RGS20: variants seen among roughly 807,000 people sequenced by gnomAD.
RGS20 encodes regulator of G protein signaling 20.
Under a neutral mutation model 33.6 loss-of-function variants are expected in RGS20, and 30 were observed. The ratio of observed to expected loss-of-function variants is 0.89; its 90% CI spans 0.67 to 1.21. The LOEUF (loss-of-function observed/expected upper bound fraction) is 1.21. Ranked by LOEUF, RGS20 falls within the 50% of genes most tolerant of loss-of-function variation. RGS20 has a pLI of 0.00. For synonymous variants in RGS20, 208 were observed against 197.9 expected, an observed-to-expected ratio of 1.05 and a Z score of -0.43; for missense variants, 472 against 502.4, an observed-to-expected ratio of 0.94 and a Z score of 0.58.
chr8:53,870,510 TA>T (rs765288108), intron 1 of RGS20, among the ~76,000 whole-genome samples: 6 of 152,224 alleles, frequency 3.9e-5, no homozygotes, highest in Non-Finnish European at 7.3e-5. Context: ...GGAACAGTAT[TA>T]GGAACATTAT....
At chr8:53,896,108 C>T (rs1327910578) in intron 2 of RGS20, among the ~76,000 whole-genome samples, 1 of 152,060 alleles carries the variant, frequency 6.6e-6, no homozygotes, top group Non-Finnish European at 1.5e-5. Context: ...AAGCAAGACC[C>T]TGCCTCTGCA....
intron 2 of RGS20, among the ~76,000 whole-genome samples, chr8:53,894,339 T>G (rs1812795227): frequency 6.6e-6 from 1 of 152,182 alleles, no homozygotes. Flanking sequence ...AGATCTAAAA[T>G]TCAGTAGATA....
At chr8:53,889,412 C>CTTTTTTTTTTTTTTTTTTTTTTTTTTTT (rs34316630) in intron 2 of RGS20, among the ~76,000 whole-genome samples, 1 of 41,862 alleles carries the variant, frequency 2.4e-5, no homozygotes, top group Non-Finnish European at 6.2e-5. Context: ...CTCTCTCTCT[C>CTTTTTTTTTTTTTTTTTTTTTTTTTTTT]TTTTTTTTTT....
intron 1 of RGS20, among the ~76,000 whole-genome samples, chr8:53,864,128 G>A (rs1811869201): frequency 6.6e-6 from 1 of 152,002 alleles, no homozygotes; most frequent in Admixed American, 6.6e-5. Flanking sequence ...ATAAAGACAT[G>A]GGCTTTTTTA....
chr8:53,903,505 C>T (rs1813087101), intron 2 of RGS20, among the ~76,000 whole-genome samples: 1 of 152,152 alleles, frequency 6.6e-6, no homozygotes, highest in Non-Finnish European at 1.5e-5. Context: ...TGACAGGAGA[C>T]GGCACCCAGG....
chr8:53,950,749 G>A (rs1814688487), intron 4 of RGS20, among the ~76,000 whole-genome samples: 1 of 151,876 alleles, frequency 6.6e-6, no homozygotes, highest in Non-Finnish European at 1.5e-5. Context: ...CGAGTACCTG[G>A]GACTACAGGC....
intron 2 of RGS20, among the ~76,000 whole-genome samples, chr8:53,936,372 C>T (rs947296148): frequency 2.4e-4 from 36 of 152,140 alleles, no homozygotes; most frequent in Non-Finnish European, 5.0e-4. Flanking sequence ...CCCAAAATCT[C>T]CTTAAGCTGA....
At chr8:53,944,469 C>T (rs1585948907) in intron 3 of RGS20, among the ~76,000 whole-genome samples, 1 of 149,768 alleles carries the variant, frequency 6.7e-6, no homozygotes, top group African/African-American at 2.5e-5. Flanking sequence ...ACCCGGGAGG[C>T]GGAGGTTGTA....
chr8:53,905,837 T>C (rs1813149925), intron 2 of RGS20, among the ~76,000 whole-genome samples: 1 of 152,236 alleles, frequency 6.6e-6, no homozygotes, highest in African/African-American at 2.4e-5. Flanking sequence ...GAACTCATCT[T>C]CCTTGAAGCC....
intron 5 of RGS20, among the ~76,000 whole-genome samples, chr8:53,954,921 C>T (rs942991625): frequency 2.6e-5 from 4 of 151,138 alleles, no homozygotes; most frequent in East Asian, 2.1e-4. Flanking sequence ...CTCTTGACCT[C>T]GTGATCCACC....
chr8:53,875,580 G>T (rs1812186688), intron 1 of RGS20, among the ~76,000 whole-genome samples: 1 of 152,092 alleles, frequency 6.6e-6, no homozygotes, highest in South Asian at 2.1e-4. Context: ...GCCTTTGAGT[G>T]TTTCCCTTCT....
intron 2 of RGS20, among the ~76,000 whole-genome samples, chr8:53,925,581 C>A (rs1017213594): frequency 1.3e-5 from 2 of 151,918 alleles, no homozygotes; most frequent in African/African-American, 4.8e-5. Context: ...AGTAAAAATA[C>A]AAAATTAGCT....
intron 2 of RGS20, among the ~76,000 whole-genome samples, chr8:53,919,005 G>A (rs1585921234): frequency 6.6e-6 from 1 of 152,140 alleles, no homozygotes; most frequent in African/African-American, 2.4e-5. Flanking sequence ...TTTCCAAAGT[G>A]GCCAACCCAT....
At chr8:53,926,213 A>C (rs1488820105) in intron 2 of RGS20, among the ~76,000 whole-genome samples, 2 of 152,190 alleles carry the variant, frequency 1.3e-5, no homozygotes, top group Non-Finnish European at 2.9e-5. Flanking sequence ...CTGTCTCAAA[A>C]AACAAAAAAG....
intron 2 of RGS20, among the ~76,000 whole-genome samples, chr8:53,915,576 C>T (rs1813460828): frequency 6.6e-6 from 1 of 152,090 alleles, no homozygotes; most frequent in Non-Finnish European, 1.5e-5. Context: ...AAAAACTCAC[C>T]CATGCATGCA....
chr8:53,928,777 C>G (rs1411711060), intron 2 of RGS20, among the ~76,000 whole-genome samples: 1 of 151,490 alleles, frequency 6.6e-6, no homozygotes, highest in Non-Finnish European at 1.5e-5. Flanking sequence ...AAGCTGAGAT[C>G]ACACCATTGC....
intron 2 of RGS20, among the ~76,000 whole-genome samples, chr8:53,908,103 A>G (rs1169732476): frequency 6.6e-6 from 1 of 152,230 alleles, no homozygotes; most frequent in Non-Finnish European, 1.5e-5. Context: ...CAGTGAAACT[A>G]TTGAAAACGG....
At chr8:53,941,048 C>T (rs563890269) in intron 3 of RGS20, among the ~76,000 whole-genome samples, 3 of 152,328 alleles carry the variant, frequency 2.0e-5, no homozygotes, top group South Asian at 4.1e-4. Flanking sequence ...CTTCCGCTCC[C>T]TCCTTTCTCT....
At chr8:53,883,895 G>C (rs373447638) in intron 2 of RGS20, among the ~76,000 whole-genome samples, 1 of 151,392 alleles carries the variant, frequency 6.6e-6, no homozygotes, top group East Asian at 1.9e-4. Context: ...GCAGTGAGCC[G>C]AGATGGAGCC....
Sources: allele counts gnomAD v4.1 joint callset (sites outside exome capture counted in the v4.1 genomes callset), GRCh38; gene constraint gnomAD v4.1.1; transcripts MANE v1.5; gene names NCBI Gene and HGNC (gene_info 2026-07-23, HGNC 2026-07-21).